Variants in ERBB4 observed in about 807,000 individuals in gnomAD.
ERBB4 encodes receptor tyrosine-protein kinase erbB-4.
In ERBB4, 42 loss-of-function variants were observed where a neutral mutation model predicts 158.0. The observed-to-expected ratio is 0.27, with a 90% CI of 0.21 to 0.34. The LOEUF is 0.34. Among genes scored for constraint, ERBB4 ranks in the 10% least tolerant of loss-of-function variants. The pLI is 1.00. For synonymous variants in ERBB4, 583 were observed against 558.7 expected (o/e 1.04, Z -0.61); for missense variants, 1,333 against 1,624.1 (o/e 0.82, Z 3.08).
intron 2 of ERBB4, among the ~76,000 whole-genome samples, chr2:212,042,640 T>G (rs1575555642): frequency 6.6e-6 from 1 of 152,096 alleles, no homozygotes; most frequent in African/African-American, 2.4e-5. Flanking sequence ...GCCTATAATC[T>G]TTCTTTGTGG....
At position 211,431,144 on chromosome 2, in the gene ERBB4, G is replaced by C. The variant is rs753991387; in HGVS notation, c.2488-44C>G. On this transcript the variant is annotated intron_variant, in intron 20 of 27. Coordinates refer to ENST00000342788, the MANE Select transcript of ERBB4 (RefSeq NM_005235.3). ...CTTAATGATATTCAGTTAATGCCCAGGTTTTCCCATTTTTCTAAAACAAAG... is the reference window on the plus strand; with the variant it reads ...CTTAATGATATTCAGTTAATGCCCACGTTTTCCCATTTTTCTAAAACAAAG... 2.5e-6 allele frequency: 4 copies of C among 1,587,834 alleles called. No homozygotes were observed. The Admixed American group carries it at 6.7e-5, about 27-fold the overall frequency.
In ERBB4 at chr2:212,385,637, T is replaced by C. The variant is rs564453948; in HGVS notation, c.82+152812A>G. Among the ~76,000 whole-genome samples, 8 of 152,000 alleles carry C rather than the reference T, an allele frequency of 5.3e-5. No individual in the cohort carries two copies. In the South Asian group the frequency reaches 1.7e-3, roughly 31 times the overall value. ...CTTATTTACACCTTTCTGCTTGCTG[T>C]TAATAGTATAGATGCCAATCCCTCA... is the stretch of plus-strand genomic sequence containing the variant. On this transcript the variant is annotated intron_variant, in intron 1 of 27. Transcript: ENST00000342788.
At chr2:212,291,137 G>A (rs889354052) in intron 1 of ERBB4, among the ~76,000 whole-genome samples, 11 of 152,076 alleles carry the variant, frequency 7.2e-5, no homozygotes, top group Admixed American at 7.2e-4. Flanking sequence ...CAGAGTATGT[G>A]AACGTCAAGT....
chr2:212,081,404 C>T (rs2078438656), intron 2 of ERBB4, among the ~76,000 whole-genome samples: 1 of 152,048 alleles, frequency 6.6e-6, no homozygotes, highest in Admixed American at 6.6e-5. Flanking sequence ...AACAAGGAAA[C>T]AAGTAAAACT....
intron 2 of ERBB4, among the ~76,000 whole-genome samples, chr2:212,022,805 T>C (rs951415420): frequency 2.0e-5 from 3 of 152,144 alleles, no homozygotes; most frequent in African/African-American, 7.2e-5. Flanking sequence ...AATGAAATAA[T>C]TCATTTCTTC....
chr2:211,431,160 T>TAAAAC lies in ERBB4; in HGVS notation c.2488-65_2488-61dup. ...TAATGCCCAGGTTTTCCCATTTTTC[T>TAAAAC]AAAACAAAGTTTCTTAGCCTTCAGT... On this transcript the variant is annotated intron_variant, in intron 20 of 27. Coordinates refer to ENST00000342788, the MANE Select transcript of ERBB4 (RefSeq NM_005235.3). The TAAAAC allele has an allele frequency of 2.0e-6, 3 of 1,504,932 alleles. No individual in the cohort carries two copies. In the Admixed American group the frequency reaches 5.1e-5, roughly 25 times the overall value. 93.2% of individuals were successfully genotyped at this position (1,504,932 alleles called of 1,614,324 possible). A position where few individuals can be genotyped will look rare whatever the true frequency, so the allele number is the denominator to read the frequency against.
chr2:212,292,060 GA>G (rs1159312575), intron 1 of ERBB4, among the ~76,000 whole-genome samples: 1 of 151,606 alleles, frequency 6.6e-6, no homozygotes, highest in South Asian at 2.1e-4. Flanking sequence ...AAACATTTCT[GA>G]AAAAAAGCTA....
intron 19 of ERBB4, among the ~76,000 whole-genome samples, chr2:211,576,126 A>G (rs910840902): frequency 6.6e-6 from 1 of 152,158 alleles, no homozygotes; most frequent in Non-Finnish European, 1.5e-5. Context: ...GTAGCAGTAA[A>G]TAATATTACC....
rs935307846 is a variant in ERBB4 at position 212,164,402 on chromosome 2, T to C, written c.83-39499A>G. On this transcript the variant is annotated intron_variant, in intron 1 of 27. Transcript: ENST00000342788. ...AATTTTATCTGCTCATTATTTTTAATGTGGCTAGTAAAAAACTTAAAATTA... is the reference window on the plus strand; with the variant it reads ...AATTTTATCTGCTCATTATTTTTAACGTGGCTAGTAAAAAACTTAAAATTA... Among the ~76,000 whole-genome samples, 2 of 152,196 alleles carry C rather than the reference T, an allele frequency of 1.3e-5. 1 individual carries two copies. Among genetic ancestry groups the C allele is most frequent in the South Asian group, 4.1e-4 (2 of 4,830 alleles).
At chr2:211,508,004 A>C (rs1368320882) in intron 20 of ERBB4, among the ~76,000 whole-genome samples, 1 of 152,168 alleles carries the variant, frequency 6.6e-6, no homozygotes, top group Non-Finnish European at 1.5e-5. Context: ...TAAAGACTTA[A>C]ATGTAAAACC....
At chr2:211,675,415 G>A (rs2072022255) in intron 13 of ERBB4, among the ~76,000 whole-genome samples, 1 of 151,862 alleles carries the variant, frequency 6.6e-6, no homozygotes, top group Non-Finnish European at 1.5e-5. Flanking sequence ...TCTGTAAAAG[G>A]AAAAAATAAG....
chr2:211,651,524 T>C (rs1320215767), intron 16 of ERBB4, among the ~76,000 whole-genome samples: 1 of 152,194 alleles, frequency 6.6e-6, no homozygotes, highest in African/African-American at 2.4e-5. Context: ...ATTTTGCAGA[T>C]GTAATTAAGG....
At chr2:212,366,107 C>T (rs1225954395) in intron 1 of ERBB4, among the ~76,000 whole-genome samples, 1 of 151,624 alleles carries the variant, frequency 6.6e-6, no homozygotes. Flanking sequence ...TGCTAGCCTC[C>T]GAAAAAATAT....
At chr2:211,604,528 T>G (rs562290576) in intron 19 of ERBB4, among the ~76,000 whole-genome samples, 1 of 152,306 alleles carries the variant, frequency 6.6e-6, no homozygotes, top group African/African-American at 2.4e-5. Flanking sequence ...TCAAATAGTT[T>G]AGGTGTATGC....
chr2:211,473,502 A>C (rs2064880910), intron 20 of ERBB4, among the ~76,000 whole-genome samples: 1 of 152,168 alleles, frequency 6.6e-6, no homozygotes, highest in South Asian at 2.1e-4. Flanking sequence ...TCCTGTAAAA[A>C]GGGCCAGCTT....
intron 2 of ERBB4, among the ~76,000 whole-genome samples, chr2:212,016,594 G>GT (rs2076534982): frequency 6.6e-6 from 1 of 151,930 alleles, no homozygotes; most frequent in South Asian, 2.1e-4. Flanking sequence ...AGTACAATTG[G>GT]TTTTTACTTG....
intron 3 of ERBB4, among the ~76,000 whole-genome samples, chr2:211,917,967 T>C (rs2079746679): frequency 6.6e-6 from 1 of 152,046 alleles, no homozygotes; most frequent in Admixed American, 6.6e-5. Flanking sequence ...AAAAGGAAAA[T>C]GAGACTCCAA....
chr2:212,434,159 CA>C (rs1466984341), intron 1 of ERBB4, among the ~76,000 whole-genome samples: 2 of 151,974 alleles, frequency 1.3e-5, no homozygotes, highest in Non-Finnish European at 2.9e-5. Context: ...TGCAAATTCA[CA>C]TCCATGTAAT....
At chr2:212,353,657 GGA>G (rs1414232352) in intron 1 of ERBB4, among the ~76,000 whole-genome samples, 1 of 140,752 alleles carries the variant, frequency 7.1e-6, no homozygotes, top group Non-Finnish European at 1.6e-5. Context: ...TGAAAAAAGA[GGA>G]AAGAAATCTA....
Sources: allele counts gnomAD v4.1 joint callset (sites outside exome capture counted in the v4.1 genomes callset), GRCh38; gene constraint gnomAD v4.1.1; transcripts MANE v1.5; gene names NCBI Gene and HGNC (gene_info 2026-07-23, HGNC 2026-07-21).